Variants in CLSTN2 observed in about 807,000 individuals in gnomAD.
The protein encoded by CLSTN2 is calsyntenin 2.
Under a neutral mutation model 101.2 loss-of-function variants are expected in CLSTN2, and 48 were observed. The observed-to-expected ratio is 0.47, with a 90% CI of 0.38 to 0.60. The LOEUF (loss-of-function observed/expected upper bound fraction) is 0.60. CLSTN2 is among the 20% of genes least tolerant of loss of function. CLSTN2 has a pLI of 0.00. For missense variants in CLSTN2, 1,160 were observed against 1,238.2 expected (o/e 0.94, Z 0.95); for synonymous variants, 481 against 463.6 (o/e 1.04, Z -0.48).
At chr3:140,123,756 A>G (rs1165270962) in intron 1 of CLSTN2, among the ~76,000 whole-genome samples, 1 of 151,992 alleles carries the variant, frequency 6.6e-6, no homozygotes, top group East Asian at 1.9e-4. Context: ...CTGTGTCCTC[A>G]CATGGACTTT....
At chr3:139,988,146 G>A (rs932059794) in intron 1 of CLSTN2, among the ~76,000 whole-genome samples, 1 of 152,222 alleles carries the variant, frequency 6.6e-6, no homozygotes, top group Admixed American at 6.5e-5. Flanking sequence ...TGGAGCTGGT[G>A]CAGCGCTTGT....
intron 2 of CLSTN2, among the ~76,000 whole-genome samples, chr3:140,323,103 G>A (rs1559838777): frequency 6.6e-6 from 1 of 152,182 alleles, no homozygotes; most frequent in Non-Finnish European, 1.5e-5. Flanking sequence ...TGAATGGTGG[G>A]GACTAAAGAA....
At chr3:140,013,478 G>T (rs2007130444) in intron 1 of CLSTN2, among the ~76,000 whole-genome samples, 1 of 152,226 alleles carries the variant, frequency 6.6e-6, no homozygotes, top group Non-Finnish European at 1.5e-5. Context: ...GCAGTGCGTG[G>T]AGACAGGGAC....
intron 1 of CLSTN2, among the ~76,000 whole-genome samples, chr3:140,163,089 T>C (rs1362463204): frequency 6.6e-6 from 1 of 152,208 alleles, no homozygotes; most frequent in African/African-American, 2.4e-5. Flanking sequence ...GTTTGTGATA[T>C]GTCAAATTGT....
chr3:140,540,248 A>G (rs769396481), intron 9 of CLSTN2, among the ~76,000 whole-genome samples: 1 of 152,166 alleles, frequency 6.6e-6, no homozygotes, highest in Non-Finnish European at 1.5e-5. Context: ...GTACTGCTAT[A>G]TAAATATGTG....
intron 2 of CLSTN2, among the ~76,000 whole-genome samples, chr3:140,251,736 G>A (rs934158357): frequency 1.3e-5 from 2 of 151,878 alleles, no homozygotes; most frequent in Admixed American, 6.6e-5. Flanking sequence ...TTATGTATGT[G>A]ACAGTAAGGA....
At chr3:140,220,056 G>C (rs539276271) in intron 2 of CLSTN2, among the ~76,000 whole-genome samples, 2 of 152,308 alleles carry the variant, frequency 1.3e-5, no homozygotes, top group African/African-American at 4.8e-5. Flanking sequence ...TTCAAATCTA[G>C]ACAGGCTCTG....
At chr3:140,064,535 A>G (rs1230696664) in intron 1 of CLSTN2, among the ~76,000 whole-genome samples, 6 of 152,244 alleles carry the variant, frequency 3.9e-5, no homozygotes, top group Admixed American at 3.3e-4. Context: ...AATCAAAACC[A>G]CAATGACCAC....
chr3:140,152,139 TTAATG>T (rs895506228), intron 1 of CLSTN2, among the ~76,000 whole-genome samples: 3 of 152,186 alleles, frequency 2.0e-5, no homozygotes, highest in Admixed American at 6.5e-5. Context: ...TTACTAAAAA[TTAATG>T]TATTTTATTA....
At chr3:140,038,006 T>C (rs1019893860) in intron 1 of CLSTN2, among the ~76,000 whole-genome samples, 2 of 152,220 alleles carry the variant, frequency 1.3e-5, no homozygotes, top group Admixed American at 1.3e-4. Flanking sequence ...GCAATGAACA[T>C]ACACGTGCAA....
At chr3:140,378,871 C>A (rs750760070) in intron 2 of CLSTN2, among the ~76,000 whole-genome samples, 1 of 152,214 alleles carries the variant, frequency 6.6e-6, no homozygotes, top group Non-Finnish European at 1.5e-5. Context: ...AACACCACAT[C>A]TAGTGCTTGA....
intron 2 of CLSTN2, among the ~76,000 whole-genome samples, chr3:140,218,277 T>A (rs1419313849): frequency 6.6e-6 from 1 of 152,230 alleles, no homozygotes; most frequent in Non-Finnish European, 1.5e-5. Flanking sequence ...TTTGTTTTGC[T>A]TGTATTAATC....
chr3:140,054,900 A>AT (rs1352647632), intron 1 of CLSTN2, among the ~76,000 whole-genome samples: 1 of 152,196 alleles, frequency 6.6e-6, no homozygotes, highest in Non-Finnish European at 1.5e-5. Flanking sequence ...CATCTCCCTC[A>AT]TTTTGGTAAT....
chr3:140,184,150 C>T (rs969283560), intron 2 of CLSTN2, among the ~76,000 whole-genome samples: 6 of 152,094 alleles, frequency 3.9e-5, no homozygotes, highest in East Asian at 1.9e-4. Context: ...CACTGTTCTC[C>T]GTGTGTTCTT....
chr3:139,935,975 C>T lies in CLSTN2; in HGVS notation c.109+492C>T, dbSNP rs1935012700. On this transcript the variant is annotated intron_variant, in intron 1 of 16. Transcript: ENST00000458420. This position sits in a 1 kb window ranked among gnomAD's most constrained non-coding sequence, Gnocchi z 5.5. ...CAGGGAAGGCCCCGCTGACACTCCT[C>T]AAGCTCCCCCAGGGCGTCTCTGACT... is the stretch of plus-strand genomic sequence containing the variant. 1.3e-5 allele frequency among the ~76,000 whole-genome samples: 2 copies of T among 151,970 alleles called. No individual in the cohort carries two copies. The highest frequency in any genetic ancestry group is 4.1e-4 in the South Asian group (2 of 4,824).
chr3:140,410,411 CA>C (rs11450317), intron 4 of CLSTN2, among the ~76,000 whole-genome samples: 4,504 of 118,654 alleles, frequency 0.038, 138 homozygotes, highest in African/African-American at 0.12. Context: ...AAATAAAAAG[CA>C]AAAAAAAAAA....
chr3:140,403,266 T>A (rs549520068), intron 2 of CLSTN2, among the ~76,000 whole-genome samples: 17 of 152,244 alleles, frequency 1.1e-4, no homozygotes, highest in Middle Eastern at 3.4e-3. Flanking sequence ...AAATGGTAGC[T>A]GGAGACAGAA....
chr3:140,187,190 T>C (rs1439490386), intron 2 of CLSTN2, among the ~76,000 whole-genome samples: 1 of 152,152 alleles, frequency 6.6e-6, no homozygotes, highest in Non-Finnish European at 1.5e-5. Context: ...TTGCCTGTCA[T>C]ATCTGCACTG....
chr3:140,341,059 G>T (rs1233522174), intron 2 of CLSTN2, among the ~76,000 whole-genome samples: 5 of 152,148 alleles, frequency 3.3e-5, no homozygotes, highest in African/African-American at 1.2e-4. Flanking sequence ...TTGAGGTAGT[G>T]TTTGTTAGAT....
Sources: gnomAD v4.1 joint callset for allele counts (sites outside exome capture counted in the v4.1 genomes callset) on GRCh38, gnomAD v4.1.1 for gene constraint, Gnocchi (gnomAD v3.1) non-coding constraint, MANE v1.5 for transcripts, NCBI Gene and HGNC (gene_info 2026-07-23, HGNC 2026-07-21) for gene names.